The following CNMD variants were observed in gnomAD, a reference collection of about 807,000 sequenced individuals.
CNMD encodes leukocyte cell-derived chemotaxin 1.
A neutral mutation model predicts 37.5 loss-of-function variants in CNMD; 30 were observed. That is an observed-to-expected ratio of 0.80 (90% CI 0.60 to 1.09). CNMD has a LOEUF of 1.09. Ranked by LOEUF, CNMD falls within the 50% of genes least tolerant of loss-of-function variation. The pLI, the probability that CNMD is intolerant of heterozygous loss-of-function variation, is 0.00. For missense variants in CNMD, 398 were observed against 423.9 expected (o/e 0.94, Z 0.54); for synonymous variants, 167 against 148.2 (o/e 1.13, Z -0.92).
chr13:52,709,547 C>T (rs1283737696), intron 5 of CNMD, among the ~76,000 whole-genome samples: 2 of 152,180 alleles, frequency 1.3e-5, no homozygotes, highest in Non-Finnish European at 2.9e-5. Context: ...GGGCATCAAG[C>T]CTCAGAAAGG....
chr13:52,714,867 TC>T (rs894996880), intron 4 of CNMD, among the ~76,000 whole-genome samples: 6 of 152,198 alleles, frequency 3.9e-5, no homozygotes, highest in African/African-American at 7.2e-5. Flanking sequence ...ATACTTTTTT[TC>T]CCTAAGATGT....
chr13:52,733,902 A>G (rs372342391), intron 2 of CNMD, among the ~76,000 whole-genome samples: 1 of 152,204 alleles, frequency 6.6e-6, no homozygotes, highest in South Asian at 2.1e-4. Context: ...TGTCTCAGGT[A>G]TATGGTATAT....
At chr13:52,723,095 G>GTT (rs748528564) in intron 4 of CNMD, among the ~76,000 whole-genome samples, 72 of 151,888 alleles carry the variant, frequency 4.7e-4, no homozygotes, top group Middle Eastern at 3.4e-3. Context: ...TCTCTTTCGG[G>GTT]TTTTTTTATT....
chr13:52,713,675 C>A (rs1289519646), intron 4 of CNMD, among the ~76,000 whole-genome samples: 1 of 152,184 alleles, frequency 6.6e-6, no homozygotes, highest in Non-Finnish European at 1.5e-5. Context: ...GTCAGGTAAT[C>A]CAGTTATTTA....
rs569601718 is a variant in CNMD, at chr13:52,703,699, C to T, written c.901G>A (p.Gly301Arg). The change falls in exon 7 of 7, where the codon GGG (glycine) becomes AGG (arginine). Residue 301 changes from glycine (G) to arginine (R), a missense_variant. Gly to Arg is a moderately radical substitution (Grantham distance 125, BLOSUM62 -2). Transcript: ENST00000377962. ...TTATAAGGCCATGGGTAATAGCCCC[C>T]CAGGGGTTCACAGATCTTCTGGCAG... ...THCQKICEPL[G>R]GYYPWPYNYQ... The T allele has an allele frequency of 6.2e-7, 1 of 1,614,102 alleles. No homozygotes were observed. The highest frequency in any genetic ancestry group is 1.3e-5 in the African/African-American group (1 of 75,040).
chr13:52,717,035 T>C (rs998771715), intron 4 of CNMD, among the ~76,000 whole-genome samples: 3 of 152,198 alleles, frequency 2.0e-5, no homozygotes, highest in Non-Finnish European at 4.4e-5. Context: ...GAGCAGTGGT[T>C]TGTAGTTCTC....
rs149442067 is a variant in CNMD at position 52,712,792 on chromosome 13, G to A, written c.546C>T (p.Asn182=). The A allele has an allele frequency of 1.9e-5, 31 of 1,597,170 alleles. No individual in the cohort carries two copies. The African/African-American group carries it at 3.7e-4, about 19-fold the overall frequency. The change falls in exon 5 of 7, where the codon AAC becomes AAT. Residue 182 remains asparagine (N), a synonymous_variant. Transcript: ENST00000377962. ...WVAVDQPVKD[N]SFLSSKVLEL... is the part of the protein sequence containing the mutation. ...CTAACACCTTAGAACTCAAGAAGCT[G>A]TTGTCCTTCACAGGCTGATCTACAG...
At chr13:52,738,518 A>G (rs1406463435) in intron 2 of CNMD, among the ~76,000 whole-genome samples, 1 of 152,120 alleles carries the variant, frequency 6.6e-6, no homozygotes, top group East Asian at 1.9e-4. Context: ...CCAGAGAGAG[A>G]AGGGAATGTT....
chr13:52,719,678 A>G (rs1010457830), intron 4 of CNMD, among the ~76,000 whole-genome samples: 2 of 152,144 alleles, frequency 1.3e-5, no homozygotes, highest in African/African-American at 4.8e-5. Context: ...GCTTGTAGGG[A>G]TTCTGCCAAG....
chr13:52,715,948 A>G (rs970863260), intron 4 of CNMD, among the ~76,000 whole-genome samples: 7 of 152,192 alleles, frequency 4.6e-5, no homozygotes, highest in African/African-American at 1.7e-4. Context: ...CAATGGTTAA[A>G]CTGATTTATA....
At chr13:52,704,892 C>G (rs1284497409) in intron 6 of CNMD, among the ~76,000 whole-genome samples, 1 of 44,722 alleles carries the variant, frequency 2.2e-5, no homozygotes, top group Non-Finnish European at 4.1e-5. Context: ...TGAAACCAAC[C>G]CCATCTCTAC....
chr13:52,723,894 C>G (rs1373289299), intron 4 of CNMD, 103 bp downstream of exon 4: 1 of 747,096 alleles, frequency 1.3e-6, no homozygotes, highest in East Asian at 2.7e-5. Context: ...GACTCTGTCT[C>G]AATAAAAATA....
chr13:52,734,037 G>A (rs1221155107), intron 2 of CNMD, among the ~76,000 whole-genome samples: 1 of 152,216 alleles, frequency 6.6e-6, no homozygotes, highest in Non-Finnish European at 1.5e-5. Context: ...CTCCCTGAAC[G>A]ATTCTATGGG....
At chr13:52,721,730 C>G (rs556760401) in intron 4 of CNMD, among the ~76,000 whole-genome samples, 4 of 152,214 alleles carry the variant, frequency 2.6e-5, no homozygotes, top group Non-Finnish European at 5.9e-5. Context: ...TGGAGCTGTT[C>G]CTATTCGGCC....
At chr13:52,736,942 C>G (rs1964777934) in intron 2 of CNMD, among the ~76,000 whole-genome samples, 1 of 152,124 alleles carries the variant, frequency 6.6e-6, no homozygotes, top group African/African-American at 2.4e-5. Flanking sequence ...AATATTGGAG[C>G]CCAGTTCAGT....
At chr13:52,725,983 T>C (rs1226178129) in intron 3 of CNMD, among the ~76,000 whole-genome samples, 1 of 152,246 alleles carries the variant, frequency 6.6e-6, no homozygotes, top group Non-Finnish European at 1.5e-5. Flanking sequence ...AAGCTCTTTA[T>C]TATTTGTCTT....
intron 3 of CNMD, among the ~76,000 whole-genome samples, chr13:52,729,991 G>T (rs1227644099): frequency 1.5e-5 from 2 of 134,016 alleles, no homozygotes; most frequent in East Asian, 4.3e-4. Flanking sequence ...CCCCACAGCA[G>T]TTCCTGGTGT....
Position 52,738,956 on chromosome 13 carries a change from C to G in CNMD, c.213+75G>C. ...CCGCCGGCAGCCGCGCGCCCCTCGC[C>G]GGCCCGCGCTCGGGCTCCCCCTAGG... is the stretch of plus-strand genomic sequence containing the variant. On this transcript the variant is annotated intron_variant, in intron 2 of 6. Transcript: ENST00000377962. The G allele has an allele frequency of 2.2e-6, 3 of 1,336,586 alleles. 1 individual carries two copies. In the South Asian group the frequency reaches 6.3e-5, roughly 28 times the overall value. The allele number at this position is 1,336,586 out of a possible 1,614,324, so 82.8% of individuals were successfully genotyped here. A position where few individuals can be genotyped will look rare whatever the true frequency, so the allele number is the denominator to read the frequency against.
rs753976938 is a variant in CNMD at position 52,703,614 on chromosome 13, C to T, written c.986G>A (p.Arg329His). Residue 329 changes from arginine to histidine, a missense_variant, in exon 7 of 7, where the codon CGT becomes CAT. Physicochemically the swap from Arg to His is conservative, Grantham distance 29 (BLOSUM62 0). Coordinates refer to ENST00000377962, the MANE Select transcript of CNMD (RefSeq NM_007015.3). ...GTGATTTCACACCATGCCCAAGATA[C>T]GGGCCACCCACCAGCTACATGGCAT... ...VIMPCSWWVA[R>H]ILGMV 1.6e-5 allele frequency: 25 copies of T among 1,611,256 alleles called. No homozygotes were observed. The highest frequency in any genetic ancestry group is 2.0e-5 in the Non-Finnish European group (24 of 1,177,962).
Sources: allele counts gnomAD v4.1 joint callset (sites outside exome capture counted in the v4.1 genomes callset), GRCh38; gene constraint gnomAD v4.1.1; transcripts MANE v1.5; gene names NCBI Gene and HGNC (gene_info 2026-07-23, HGNC 2026-07-21).